Variants in MPZL3 observed in about 807,000 individuals in gnomAD.
The protein encoded by MPZL3 is myelin protein zero-like protein 3.
A neutral mutation model predicts 24.8 loss-of-function variants in MPZL3; 23 were observed. That is an observed-to-expected ratio of 0.93 (90% CI 0.67 to 1.31). MPZL3 has a LOEUF of 1.31. Ranked by LOEUF, MPZL3 falls within the 40% of genes most tolerant of loss-of-function variation. The probability of loss-of-function intolerance (pLI) is 0.00; values close to 1 mark genes in which losing one functional copy is unlikely to be tolerated. For synonymous variants in MPZL3, 99 were observed against 106.5 expected (o/e 0.93, Z 0.44); for missense variants, 277 against 294.9 (o/e 0.94, Z 0.44).
chr11:118,233,399 C>G, intron 5 of MPZL3, 61 bp downstream of exon 5: 1 of 1,582,708 alleles, frequency 6.3e-7, no homozygotes, highest in Non-Finnish European at 8.7e-7. Flanking sequence ...AGGATGGATC[C>G]TCTTAGGTAA....
At position 118,228,109 on chromosome 11, in the gene MPZL3, G is replaced by C. The variant is rs1389875793; in HGVS notation, c.*1785C>G. The C allele has an allele frequency of 6.6e-6, 1 of 152,124 alleles. No individual in the cohort carries two copies. Among genetic ancestry groups the C allele is most frequent in the Non-Finnish European group, 1.5e-5 (1 of 68,038 alleles). 9.4% of individuals were successfully genotyped at this position (152,124 alleles called of 1,614,324 possible). ...CCTTCTACTTCCTCGCGTGACCAGA[G>C]TCAAATCACAATGTCCTTCAACTAA... On this transcript the variant is annotated 3_prime_UTR_variant, in exon 6 of 6. Transcript: ENST00000278949.
rs564210774 is a variant in MPZL3 at position 118,237,131 on chromosome 11, C to T, written c.370G>A (p.Gly124Arg). 34 of 1,614,098 alleles carry T rather than the reference C, an allele frequency of 2.1e-5. No individual in the cohort carries two copies. The East Asian group carries it at 7.1e-4, about 34-fold the overall frequency. ...SISNPTIKDN[G>R]TFSCAVKNPP... is the part of the protein sequence containing the mutation. ...TTCTTCACAGCACAGCTGAATGTCC[C>T]ATTGTCCTTTATGGTAGGGTTGCTT... The change falls in exon 3 of 6, where the codon GGG becomes AGG. Residue 124 changes from glycine (G) to arginine (R), a missense_variant. By Grantham distance (125) the Gly-to-Arg change is moderately radical. Coordinates refer to ENST00000278949, the MANE Select transcript of MPZL3 (RefSeq NM_198275.3).
chr11:118,252,122 G>A (rs1949626517), intron 1 of MPZL3, 100 bp downstream of exon 1: 1 of 1,175,682 alleles, frequency 8.5e-7, no homozygotes, highest in African/African-American at 1.5e-5. Flanking sequence ...CCAGAGCTAT[G>A]CGGGGGCTTT....
At chr11:118,241,695 A>G (rs1054430719) in intron 1 of MPZL3, among the ~76,000 whole-genome samples, 1 of 152,232 alleles carries the variant, frequency 6.6e-6, no homozygotes, top group African/African-American at 2.4e-5. Flanking sequence ...TGTCACAGTT[A>G]TGAGTCATCA....
chr11:118,237,158 T>C lies in MPZL3; in HGVS notation c.343A>G (p.Ile115Val). 1.2e-6 allele frequency: 2 copies of C among 1,614,128 alleles called. No individual in the cohort carries two copies. The highest frequency in any genetic ancestry group is 1.3e-5 in the African/African-American group (1 of 75,036). ...TTGTCCTTTATGGTAGGGTTGCTTA[T>C]ACTTATAGATGCATCCCCTTTGTAT... Reference protein sequence around the residue: ...NVYKGDASISISNPTIKDNGT... With the variant: ...NVYKGDASISVSNPTIKDNGT... Residue 115 changes from isoleucine (I) to valine (V), a missense_variant, in exon 3 of 6, where the codon ATA becomes GTA. Physicochemically the swap from Ile to Val is conservative, Grantham distance 29. Coordinates refer to ENST00000278949, the MANE Select transcript of MPZL3 (RefSeq NM_198275.3).
At chr11:118,236,751 A>G (rs958146156) in intron 3 of MPZL3, among the ~76,000 whole-genome samples, 9 of 152,142 alleles carry the variant, frequency 5.9e-5, no homozygotes, top group African/African-American at 1.9e-4. Context: ...ACAACCCTAT[A>G]TTTACTCAGG....
intron 1 of MPZL3, among the ~76,000 whole-genome samples, chr11:118,241,419 A>G (rs984426460): frequency 3.3e-5 from 5 of 152,346 alleles, no homozygotes; most frequent in Admixed American, 6.5e-5. Flanking sequence ...CTCCTACACC[A>G]GAGGGTCTGG....
At chr11:118,252,179 AC>A (rs746297625) in intron 1 of MPZL3, 42 bp downstream of exon 1, 2 of 1,605,304 alleles carry the variant, frequency 1.2e-6, no homozygotes, top group Non-Finnish European at 1.7e-6. Flanking sequence ...ATCTTCCCTA[AC>A]CCCCCGGCCG....
chr11:118,235,294 T>A, intron 4 of MPZL3, 130 bp downstream of exon 4: 1 of 1,155,044 alleles, frequency 8.7e-7, no homozygotes, highest in Non-Finnish European at 1.2e-6. Flanking sequence ...GCAGAACTAT[T>A]CTCTTTGAAA....
chr11:118,251,945 A>G (rs535675606), intron 1 of MPZL3, among the ~76,000 whole-genome samples: 1 of 152,336 alleles, frequency 6.6e-6, no homozygotes, highest in South Asian at 2.1e-4. Flanking sequence ...CCCCAAAGCC[A>G]GAGCTCTTTG....
rs1949413464 is a variant in MPZL3 at position 118,235,526 on chromosome 11, A to C, written c.515T>G (p.Val172Gly). The C allele has an allele frequency of 1.2e-6, 2 of 1,613,844 alleles. No individual in the cohort carries two copies. The highest frequency in any genetic ancestry group is 1.7e-6 in the Non-Finnish European group (2 of 1,179,944). Reference protein sequence around the residue: ...LSILVFVPSAVVVALLLVRMG... With the variant: ...LSILVFVPSAGVVALLLVRMG... ...TCTCACCAGCAGCAGAGCAACCACCACGGCTGAGGGCACAAAGACAAGGAT... is the reference window on the plus strand; with the variant it reads ...TCTCACCAGCAGCAGAGCAACCACCCCGGCTGAGGGCACAAAGACAAGGAT... The change falls in exon 4 of 6, where the codon GTG becomes GGG. Residue 172 changes from valine (V) to glycine (G), a missense_variant. Coordinates refer to ENST00000278949, the MANE Select transcript of MPZL3 (RefSeq NM_198275.3).
intron 3 of MPZL3, 109 bp from the exon 4 acceptor site, chr11:118,235,698 G>C (rs941939894): frequency 8.1e-6 from 9 of 1,111,762 alleles, no homozygotes; most frequent in African/African-American, 4.8e-5. Flanking sequence ...GATTACAAAA[G>C]TAATAAATCA....
intron 3 of MPZL3, among the ~76,000 whole-genome samples, chr11:118,236,835 G>A (rs1949431865): frequency 6.6e-6 from 1 of 152,138 alleles, no homozygotes; most frequent in African/African-American, 2.4e-5. Flanking sequence ...GAGAAACTAT[G>A]ACAAAATTTG....
chr11:118,248,059 A>T (rs549651704), intron 1 of MPZL3, among the ~76,000 whole-genome samples: 5 of 147,012 alleles, frequency 3.4e-5, no homozygotes, highest in South Asian at 2.1e-4. Context: ...AGACCAAACC[A>T]ACAGTTTCCT....
chr11:118,243,904 T>G (rs139988916), intron 1 of MPZL3, among the ~76,000 whole-genome samples: 2 of 152,350 alleles, frequency 1.3e-5, no homozygotes, highest in African/African-American at 4.8e-5. Context: ...ATTACTCTAG[T>G]TACCAACTAC....
intron 1 of MPZL3, among the ~76,000 whole-genome samples, chr11:118,249,054 G>GTTTGT (rs1458228206): frequency 4.6e-5 from 7 of 151,820 alleles, no homozygotes; most frequent in African/African-American, 1.5e-4. Context: ...TTGTTTGTTT[G>GTTTGT]TTTTTTGAGA....
chr11:118,245,106 A>C (rs1327900968), intron 1 of MPZL3, among the ~76,000 whole-genome samples: 1 of 151,926 alleles, frequency 6.6e-6, no homozygotes, highest in Non-Finnish European at 1.5e-5. Flanking sequence ...ATCACTTTAG[A>C]GAAGACACTT....
chr11:118,251,142 G>T (rs1366344718), intron 1 of MPZL3, among the ~76,000 whole-genome samples: 2 of 150,880 alleles, frequency 1.3e-5, no homozygotes, highest in East Asian at 3.9e-4. Flanking sequence ...AGAGGACTGG[G>T]TTTATTAGGA....
intron 5 of MPZL3, among the ~76,000 whole-genome samples, chr11:118,230,619 C>T (rs1949339085): frequency 1.3e-5 from 2 of 152,180 alleles, no homozygotes; most frequent in South Asian, 4.1e-4. Context: ...TCCTTGATGA[C>T]TATTTCATAC....
Sources: gnomAD v4.1 joint callset for allele counts (sites outside exome capture counted in the v4.1 genomes callset) on GRCh38, gnomAD v4.1.1 for gene constraint, MANE v1.5 for transcripts, NCBI Gene and HGNC (gene_info 2026-07-23, HGNC 2026-07-21) for gene names.